The following DDX41 variants were observed in gnomAD, a reference collection of about 807,000 sequenced individuals.
DDX41 encodes the protein DEAD-box helicase 41, also known as probable ATP-dependent RNA helicase DDX41.
A neutral mutation model predicts 78.8 loss-of-function variants in DDX41; 50 were observed. The ratio of observed to expected loss-of-function variants is 0.63; its 90% CI spans 0.51 to 0.80. DDX41 has a LOEUF of 0.80. Ranked by LOEUF, DDX41 falls within the 30% of genes least tolerant of loss-of-function variation. The probability of loss-of-function intolerance (pLI) is 0.00; values close to 1 mark genes in which losing one functional copy is unlikely to be tolerated. For missense variants in DDX41, 633 were observed against 849.2 expected (o/e 0.75, Z 3.16); for synonymous variants, 381 against 321.5 (o/e 1.19, Z -1.98).
Position 177,513,444 on chromosome 5 carries a change from T to C in DDX41, c.1139A>G (p.Lys380Arg). ...ACTCTTAGCAAAGTTCTGAATCTTC[T>C]TCGGCATGGTGGCACTGAAGAGCAG... Reference protein sequence around the residue: ...QTLLFSATMPKKIQNFAKSAL... With the variant: ...QTLLFSATMPRKIQNFAKSAL... Residue 380 changes from lysine (K) to arginine (R), a missense_variant, in exon 11 of 17, where the codon AAG becomes AGG. By Grantham distance (26) the Lys-to-Arg change is conservative. Around this residue, in one of 6 missense-constraint regions of DDX41, gnomAD observed 185 missense variants for 367.4 expected, o/e 0.50. Transcript: ENST00000330503. This position sits in a 1 kb window ranked among gnomAD's most constrained non-coding sequence, Gnocchi z 4.6. 6.2e-7 allele frequency: 1 copy of C among 1,614,172 alleles called. No individual in the cohort carries two copies. Among genetic ancestry groups the C allele is most frequent in the Non-Finnish European group, 8.5e-7 (1 of 1,180,020 alleles).
chr5:177,512,824 AG>A lies in DDX41; in HGVS notation c.1354del (p.Leu452CysfsTer9). On this transcript the variant is annotated frameshift_variant, in exon 13 of 17. Transcript: ENST00000330503. LOFTEE classifies it high-confidence loss of function. ...KADVDAIHEY[L>X]LLKGVEAVAI... The stretch of plus-strand genomic sequence containing the variant: ...TACGGCCTCAACCCCCTTGAGCAGC[AG>A]GTACTCGTGGATGGCGTCCACGTCT... 1 of 1,614,142 alleles carries A rather than the reference AG, an allele frequency of 6.2e-7. No individual in the cohort carries two copies. Among genetic ancestry groups the A allele is most frequent in the Non-Finnish European group, 8.5e-7 (1 of 1,180,026 alleles).
rs1365910639 is a variant in DDX41 at position 177,515,724 on chromosome 5, G to A, written c.532C>T (p.Pro178Ser). 1.2e-6 allele frequency: 2 copies of A among 1,614,122 alleles called. No homozygotes were observed. Among genetic ancestry groups the A allele is most frequent in the South Asian group, 2.2e-5 (2 of 91,080 alleles). ...HILVEGDGIP[P>S]PIKSFKEMKF... ...ATTTCCTTGAAGCTCTTGATGGGTG[G>A]TGGGATACCGTCTCCCTCCACCAGG... The change falls in exon 6 of 17, where the codon CCA (proline) becomes TCA (serine). Residue 178 changes from proline (P) to serine (S), a missense_variant. Transcript: ENST00000330503.
In DDX41 at chr5:177,513,311, C is replaced by G. The variant is rs761470066; in HGVS notation, c.1230+42G>C. 2 of 1,612,444 alleles carry G rather than the reference C, an allele frequency of 1.2e-6. No homozygotes were observed. The highest frequency in any genetic ancestry group is 3.3e-5 in the Admixed American group (2 of 59,880). ...CTTCAGGGAGACTTGTCAGATCCAG[C>G]CCCCACAGGTGAGAGACCGCCCATC... On this transcript the variant is annotated intron_variant, in intron 11 of 16. Coordinates refer to ENST00000330503, the MANE Select transcript of DDX41 (RefSeq NM_016222.4). The surrounding 1 kb of genome is among the most constrained non-coding windows in gnomAD (Gnocchi z 4.6).
Position 177,516,109 on chromosome 5 carries a change from A to G in DDX41, c.373+10T>C, listed in dbSNP as rs776731266. 1 of 1,614,048 alleles carries G rather than the reference A, an allele frequency of 6.2e-7. No homozygotes were observed. The highest frequency in any genetic ancestry group is 1.1e-5 in the South Asian group (1 of 91,076). ...AGTCCACCTTCTCACTATCCTGGCT[A>G]CAACCATACCTCGGCCCTCGGCAAC... On this transcript the variant is annotated intron_variant, in intron 4 of 16. Transcript: ENST00000330503.
In DDX41 at chr5:177,512,084, C is replaced by T; in HGVS notation, c.1732+12G>A. 6.2e-7 allele frequency: 1 copy of T among 1,612,536 alleles called. No homozygotes were observed. Among genetic ancestry groups the T allele is most frequent in the Non-Finnish European group, 8.5e-7 (1 of 1,179,946 alleles). ...GCCGGCTGGGGACTCGGGGATCCCG[C>T]TCTGCAGTCACCTCCAATGTCCAGC... On this transcript the variant is annotated intron_variant, in intron 16 of 16. Transcript: ENST00000330503.
chr5:177,515,115 A>G lies in DDX41; in HGVS notation c.645-46T>C, dbSNP rs376574336. ...GAGGGCCAATTTCAACAGAAGATGA[A>G]GGACACCTAGCCATTGCTCCTCCCT... On this transcript the variant is annotated intron_variant, in intron 7 of 16. Coordinates refer to ENST00000330503, the MANE Select transcript of DDX41 (RefSeq NM_016222.4). The G allele has an allele frequency of 5.6e-6, 9 of 1,612,084 alleles. No individual in the cohort carries two copies. The Admixed American group carries it at 1.5e-4, about 27-fold the overall frequency.
intron 16 of DDX41, 66 bp from the exon 17 acceptor site, chr5:177,511,993 C>A: frequency 1.2e-6 from 2 of 1,606,324 alleles, no homozygotes; most frequent in East Asian, 2.2e-5. Flanking sequence ...ACTTCGGGCC[C>A]CCCGTTAGGC....
At position 177,512,309 on chromosome 5, in the gene DDX41, G is replaced by A. The variant is rs1485604597; in HGVS notation, c.1621+13C>T. The A allele has an allele frequency of 6.2e-7, 1 of 1,614,002 alleles. No homozygotes were observed. Among genetic ancestry groups the A allele is most frequent in the African/African-American group, 1.3e-5 (1 of 75,012 alleles). ...CCAGGGAACAGCTAAGGTGGCGCTGGTAACAGACTCACCACACGCTTTGTT... is the reference window on the plus strand; with the variant it reads ...CCAGGGAACAGCTAAGGTGGCGCTGATAACAGACTCACCACACGCTTTGTT... On this transcript the variant is annotated intron_variant, in intron 15 of 16. Transcript: ENST00000330503.
chr5:177,516,498 G>A, intron 2 of DDX41, 51 bp from the exon 3 acceptor site: 12 of 1,601,230 alleles, frequency 7.5e-6, no homozygotes, highest in Non-Finnish European at 1.0e-5. Flanking sequence ...AGTCCACAAG[G>A]TCAGCGTCAG....
chr5:177,515,993 AAG>A lies in DDX41; in HGVS notation c.374-6_374-5del, dbSNP rs773283874. 1.9e-6 allele frequency: 3 copies of A among 1,614,206 alleles called. No individual in the cohort carries two copies. Among genetic ancestry groups the A allele is most frequent in the Non-Finnish European group, 2.5e-6 (3 of 1,180,044 alleles). ...ATCTCCTTCACTGACATCAATGCTGAAGAGAGAGACATGGCTCAGGGCTGGCT... is the reference window on the plus strand; with the variant it reads ...ATCTCCTTCACTGACATCAATGCTGAAGAGAGACATGGCTCAGGGCTGGCT... On this transcript the variant is annotated splice_polypyrimidine_tract_variant and splice_region_variant and intron_variant, in intron 4 of 16. Coordinates refer to ENST00000330503, the MANE Select transcript of DDX41 (RefSeq NM_016222.4).
intron 6 of DDX41, 180 bp from the exon 7 acceptor site, chr5:177,515,438 G>T: frequency 1.1e-6 from 1 of 870,004 alleles, no homozygotes. Flanking sequence ...CACAGGCTAG[G>T]TGCAGCCAGG....
chr5:177,513,038 G>A lies in DDX41; in HGVS notation c.1275C>T (p.Leu425=), dbSNP rs752783659. Residue 425 remains leucine (L), a synonymous_variant, in exon 12 of 17, where the codon CTC becomes CTT. Transcript: ENST00000330503. This position sits in a 1 kb window ranked among gnomAD's most constrained non-coding sequence, Gnocchi z 4.6. ...GCGGGGGTGTCTTCTGCAGGCACTC[G>A]AGCAGGTACACCATCTTGGCCTCCT... The part of the protein sequence containing the change: ...VKEEAKMVYL[L]ECLQKTPPPV... 132 of 1,613,744 alleles carry A rather than the reference G, an allele frequency of 8.2e-5. No individual in the cohort carries two copies. Among genetic ancestry groups the A allele is most frequent in the Non-Finnish European group, 1.1e-4 (127 of 1,179,916 alleles).
In DDX41 at chr5:177,512,401, GAGA is replaced by G. The variant is rs771715617; in HGVS notation, c.1550-11_1550-9del. 33 of 1,613,988 alleles carry G rather than the reference GAGA, an allele frequency of 2.0e-5. No homozygotes were observed. Among genetic ancestry groups the G allele is most frequent in the Admixed American group, 8.3e-5 (5 of 60,014 alleles). On this transcript the variant is annotated splice_polypyrimidine_tract_variant and intron_variant, in intron 14 of 16. Transcript: ENST00000330503. ...TGCGGCCAATCCGGTGTACTGCAGA[GAGA>G]AGGACAGAGTCTCTGGCCCATCGCT...
In DDX41 at chr5:177,514,690, C is replaced by A; in HGVS notation, c.935+11G>T. On this transcript the variant is annotated intron_variant, in intron 9 of 16. Coordinates refer to ENST00000330503, the MANE Select transcript of DDX41 (RefSeq NM_016222.4). This position sits in a 1 kb window ranked among gnomAD's most constrained non-coding sequence, Gnocchi z 4.2. Reference sequence around the variant, plus strand: ...TGGCAGAGGTGGGGGGCAGGGAGCGCCAGCACTCACTGTCGGATGGTCTCC... The same window carrying A: ...TGGCAGAGGTGGGGGGCAGGGAGCGACAGCACTCACTGTCGGATGGTCTCC... 6.2e-7 allele frequency: 1 copy of A among 1,605,992 alleles called. No homozygotes were observed. The highest frequency in any genetic ancestry group is 8.5e-7 in the Non-Finnish European group (1 of 1,175,392).
Position 177,512,403 on chromosome 5 carries a change from G to A in DDX41, c.1550-10C>T, listed in dbSNP as rs921137442. ...CGGCCAATCCGGTGTACTGCAGAGAGAAGGACAGAGTCTCTGGCCCATCGC... is the reference window on the plus strand; with the variant it reads ...CGGCCAATCCGGTGTACTGCAGAGAAAAGGACAGAGTCTCTGGCCCATCGC... On this transcript the variant is annotated splice_polypyrimidine_tract_variant and intron_variant, in intron 14 of 16. Transcript: ENST00000330503. 2 of 1,614,036 alleles carry A rather than the reference G, an allele frequency of 1.2e-6. No individual in the cohort carries two copies. The highest frequency in any genetic ancestry group is 1.7e-6 in the Non-Finnish European group (2 of 1,179,976).
Position 177,516,788 on chromosome 5 carries a change from C to T in DDX41, c.75G>A (p.Ala25=), listed in dbSNP as rs755411383. Residue 25 remains alanine (A), a synonymous_variant, in exon 2 of 17, where the codon GCG becomes GCA. Transcript: ENST00000330503. ...EVPAGGSRSE[A]EDEDDEDYVP... is the part of the protein sequence containing the mutation. Reference sequence around the variant, plus strand: ...CGTAGTCCTCGTCGTCCTCATCTTCCGCCTCGGAGCGGCTTCCTCCGGCAG... The same window carrying T: ...CGTAGTCCTCGTCGTCCTCATCTTCTGCCTCGGAGCGGCTTCCTCCGGCAG... 6.5e-5 allele frequency: 105 copies of T among 1,612,554 alleles called. No homozygotes were observed. Among genetic ancestry groups the T allele is most frequent in the Non-Finnish European group, 7.2e-5 (85 of 1,179,812 alleles).
intron 6 of DDX41, 58 bp downstream of exon 6, chr5:177,515,627 A>G: frequency 6.3e-7 from 1 of 1,596,266 alleles, no homozygotes; most frequent in Non-Finnish European, 8.6e-7. Flanking sequence ...GAGCCAGGAC[A>G]TAACCTCACA....
Position 177,512,356 on chromosome 5 carries a change from T to C in DDX41, c.1587A>G (p.Thr529=), listed in dbSNP as rs777810027. ...RIGRTGRSGN[T]GIATTFINKA... is the part of the protein sequence containing the mutation. ...TGTTGATGAAGGTAGTGGCGATGCC[T>C]GTGTTTCCCGAGCGCCCGGTGCGGC... The change falls in exon 15 of 17, where the codon ACA becomes ACG. Residue 529 remains threonine (T), a synonymous_variant. Coordinates refer to ENST00000330503, the MANE Select transcript of DDX41 (RefSeq NM_016222.4). 3 of 1,613,960 alleles carry C rather than the reference T, an allele frequency of 1.9e-6. No individual in the cohort carries two copies.
At position 177,512,526 on chromosome 5, in the gene DDX41, A is replaced by T. The variant is rs1265067440; in HGVS notation, c.1519T>A (p.Tyr507Asn). ...DFPAIQHVIN[Y>N]DMPEEIENYV... ...TTCTCAATCTCCTCTGGCATGTCAT[A>T]ATTGATGACGTGCTGGATGGCAGGG... Residue 507 changes from tyrosine to asparagine, a missense_variant, in exon 14 of 17, where the codon TAT becomes AAT. By Grantham distance (143) the Tyr-to-Asn change is moderately radical (BLOSUM62 -2). Around this residue, in one of 6 missense-constraint regions of DDX41, gnomAD observed 185 missense variants for 367.4 expected, o/e 0.50. Transcript: ENST00000330503. 1 of 1,614,114 alleles carries T rather than the reference A, an allele frequency of 6.2e-7. No homozygotes were observed. Among genetic ancestry groups the T allele is most frequent in the Non-Finnish European group, 8.5e-7 (1 of 1,180,022 alleles).
Sources: gnomAD v4.1 joint callset for allele counts on GRCh38, gnomAD v4.1.1 for gene constraint, gnomAD v4.1.1 regional missense constraint, Gnocchi (gnomAD v3.1) non-coding constraint, MANE v1.5 for transcripts, NCBI Gene and HGNC (gene_info 2026-07-23, HGNC 2026-07-21) for gene names.